NCAPH2: variants seen among roughly 807,000 people sequenced by gnomAD.
NCAPH2 encodes non-SMC condensin II complex subunit H2, also known as condensin-2 complex subunit H2.
A neutral mutation model predicts 88.6 loss-of-function variants in NCAPH2; 56 were observed. That is an observed-to-expected ratio of 0.63 (90% CI 0.51 to 0.79). The LOEUF is 0.79. NCAPH2 is among the 30% of genes least tolerant of loss of function. The probability of loss-of-function intolerance (pLI) is 0.00; values close to 1 mark genes in which losing one functional copy is unlikely to be tolerated. For synonymous variants in NCAPH2, 378 were observed against 313.6 expected (o/e 1.21, Z -2.17); for missense variants, 794 against 792.0 (o/e 1.00, Z -0.03).
intron 1 of NCAPH2, among the ~76,000 whole-genome samples, chr22:50,515,389 T>C (rs528201433): frequency 6.7e-6 from 1 of 150,218 alleles, no homozygotes; most frequent in Non-Finnish European, 1.5e-5. Context: ...AGAGAAACCC[T>C]GTCTCTACAA....
At chr22:50,522,290 G>A (rs748665820) in intron 14 of NCAPH2, 39 bp downstream of exon 14, 1 of 1,608,656 alleles carries the variant, frequency 6.2e-7, no homozygotes, top group Non-Finnish European at 8.5e-7. Flanking sequence ...AGGACCCCGT[G>A]GTGGCCCTGA....
chr22:50,524,305 C>T lies in NCAPH2; in HGVS notation c.*930C>T, dbSNP rs121908508. The stretch of plus-strand genomic sequence containing the variant: ...TGCAGGGCCCTGCCTTGACAAAAGC[C>T]AGGACCTCAGATGCAGGGCCTGGCC... On this transcript the variant is annotated 3_prime_UTR_variant, in exon 20 of 20. Coordinates refer to ENST00000420993, the MANE Select transcript of NCAPH2 (RefSeq NM_152299.4). 2 of 1,602,526 alleles carry T rather than the reference C, an allele frequency of 1.2e-6. No individual in the cohort carries two copies. The highest frequency in any genetic ancestry group is 1.7e-6 in the Non-Finnish European group (2 of 1,179,882).
chr22:50,520,858 C>T (rs375574581), intron 9 of NCAPH2, 107 bp from the exon 10 acceptor site: 54 of 1,312,480 alleles, frequency 4.1e-5, no homozygotes, highest in South Asian at 3.0e-4. Flanking sequence ...CCACCACGCC[C>T]GACCCTTGTA....
intron 1 of NCAPH2, among the ~76,000 whole-genome samples, chr22:50,516,185 G>T (rs899057108): frequency 2.0e-5 from 3 of 152,168 alleles, no homozygotes; most frequent in Non-Finnish European, 2.9e-5. Flanking sequence ...GGGAGCCGCT[G>T]TGCTGCCCTG....
chr22:50,524,748 A>AT lies in NCAPH2; in HGVS notation c.*1374dup, dbSNP rs2069259623. 6.9e-5 allele frequency: 36 copies of AT among 523,622 alleles called. No homozygotes were observed. The highest frequency in any genetic ancestry group is 5.5e-4 in the South Asian group (35 of 63,154). The allele number at this position is 523,622 out of a possible 1,614,324, so 32.4% of individuals were successfully genotyped here. A position where few individuals can be genotyped will look rare whatever the true frequency, so the allele number is the denominator to read the frequency against. ...ATGCCTTGCCTGAACTAACCACGTT[A>AT]TCTATTTGCAATAAACCCATTTCTT... On this transcript the variant is annotated 3_prime_UTR_variant, in exon 20 of 20. Transcript: ENST00000420993.
At chr22:50,519,095 C>G in intron 8 of NCAPH2, 95 bp from the exon 9 acceptor site, 1 of 1,260,500 alleles carries the variant, frequency 7.9e-7, no homozygotes, top group South Asian at 1.6e-5. Context: ...GGCTCCGTGA[C>G]TAAAGCTGAG....
In NCAPH2 at chr22:50,517,957, C is replaced by T. The variant is rs56394500; in HGVS notation, c.421-16C>T. The T allele has an allele frequency of 1.0e-3, 1,676 of 1,611,836 alleles. 12 individuals are homozygous for T. The African/African-American group carries it at 0.019, about 19-fold the overall frequency. On this transcript the variant is annotated splice_polypyrimidine_tract_variant and intron_variant, in intron 5 of 19. Transcript: ENST00000420993. ...TGGAAGGGTGCCTGGCTCACCCACC[C>T]TTGGCCTCCATGCAGGAGGTCCTCA...
Position 50,518,045 on chromosome 22 carries a change from C to T in NCAPH2, c.493C>T (p.Leu165=), listed in dbSNP as rs370277391. 11 of 1,614,084 alleles carry T rather than the reference C, an allele frequency of 6.8e-6. No individual in the cohort carries two copies. Among genetic ancestry groups the T allele is most frequent in the South Asian group, 1.1e-5 (1 of 91,062 alleles). ...PDEMEKNNNP[L]YSRQGEVLAS... ...TGAAATGGAGAAGAACAACAATCCC[C>T]TGTACAGGTAGGGATCTGAGCCCAG... is the stretch of plus-strand genomic sequence containing the variant. Residue 165 remains leucine (L), a synonymous_variant, in exon 6 of 20, where the codon CTG becomes TTG. Transcript: ENST00000420993.
intron 1 of NCAPH2, among the ~76,000 whole-genome samples, chr22:50,510,813 C>T (rs1311994551): frequency 6.6e-6 from 1 of 151,962 alleles, no homozygotes; most frequent in Admixed American, 6.6e-5. Flanking sequence ...ATCTCAGCAC[C>T]TTACACACTT....
In NCAPH2 at chr22:50,523,398, T is replaced by G. The variant is rs1603441627; in HGVS notation, c.*23T>G. ...TGAGTGGGGAGCACCGAGGCAGGGG[T>G]GGGGGAATGTGTACTGAGGAGCCGT... On this transcript the variant is annotated 3_prime_UTR_variant, in exon 20 of 20. Coordinates refer to ENST00000420993, the MANE Select transcript of NCAPH2 (RefSeq NM_152299.4). 1 of 1,531,354 alleles carries G rather than the reference T, an allele frequency of 6.5e-7. No individual in the cohort carries two copies. The highest frequency in any genetic ancestry group is 1.2e-5 in the South Asian group (1 of 82,620). 94.9% of individuals were successfully genotyped at this position (1,531,354 alleles called of 1,614,324 possible). A position where few individuals can be genotyped will look rare whatever the true frequency, so the allele number is the denominator to read the frequency against.
At chr22:50,519,382 C>T in intron 9 of NCAPH2, 62 bp downstream of exon 9, 1 of 1,596,450 alleles carries the variant, frequency 6.3e-7, no homozygotes, top group Non-Finnish European at 8.5e-7. Context: ...GGCTCTGGGG[C>T]CGAGTCACCT....
At chr22:50,510,200 C>T (rs1041646893) in intron 1 of NCAPH2, among the ~76,000 whole-genome samples, 9 of 152,220 alleles carry the variant, frequency 5.9e-5, no homozygotes, top group Admixed American at 3.3e-4. Flanking sequence ...GGATTACAGG[C>T]GTGAGCCACC....
chr22:50,514,345 A>T (rs907129646), intron 1 of NCAPH2, among the ~76,000 whole-genome samples: 1 of 151,144 alleles, frequency 6.6e-6, no homozygotes, highest in African/African-American at 2.4e-5. Context: ...GTCAGTGCAG[A>T]GGTGAAAGGG....
At position 50,521,598 on chromosome 22, in the gene NCAPH2, C is replaced by A. The variant is rs767460003; in HGVS notation, c.989C>A (p.Pro330His). 1 of 1,613,656 alleles carries A rather than the reference C, an allele frequency of 6.2e-7. No homozygotes were observed. Among genetic ancestry groups the A allele is most frequent in the Non-Finnish European group, 8.5e-7 (1 of 1,179,992 alleles). Residue 330 changes from proline (P) to histidine (H), a missense_variant, in exon 11 of 20, where the codon CCC (proline) becomes CAC (histidine). Around this residue, in one of 2 missense-constraint regions of NCAPH2, gnomAD observed 735 missense variants for 696.3 expected, o/e 1.06. Transcript: ENST00000420993. ...CCCTTTGACTCCTTGGAGTCTAAGCCCTTCAAGAAAGGTAATTGGGTGGAA... is the reference window on the plus strand; with the variant it reads ...CCCTTTGACTCCTTGGAGTCTAAGCACTTCAAGAAAGGTAATTGGGTGGAA... Reference protein sequence around the residue: ...LDPFDSLESKPFKKGRPYSVP... With the variant: ...LDPFDSLESKHFKKGRPYSVP...
chr22:50,513,103 C>T (rs987807016), intron 1 of NCAPH2, among the ~76,000 whole-genome samples: 2 of 152,230 alleles, frequency 1.3e-5, no homozygotes, highest in Admixed American at 1.3e-4. Flanking sequence ...GTGCTTTACA[C>T]ATATGAATGC....
chr22:50,523,966 C>G lies in NCAPH2; in HGVS notation c.*591C>G. On this transcript the variant is annotated 3_prime_UTR_variant, in exon 20 of 20. Coordinates refer to ENST00000420993, the MANE Select transcript of NCAPH2 (RefSeq NM_152299.4). Reference sequence around the variant, plus strand: ...CAAACCAGGCTCTGCTTCCAGCTGCCGCACCACCTGCACCAGCTTCTCCAG... The same window carrying G: ...CAAACCAGGCTCTGCTTCCAGCTGCGGCACCACCTGCACCAGCTTCTCCAG... 1.2e-6 allele frequency: 2 copies of G among 1,612,402 alleles called. No homozygotes were observed. The highest frequency in any genetic ancestry group is 8.5e-7 in the Non-Finnish European group (1 of 1,178,938).
Position 50,524,119 on chromosome 22 carries a change from G to A in NCAPH2, c.*744G>A, listed in dbSNP as rs1204134709. 6.2e-7 allele frequency: 1 copy of A among 1,612,738 alleles called. No homozygotes were observed. Among genetic ancestry groups the A allele is most frequent in the Admixed American group, 1.7e-5 (1 of 60,030 alleles). ...CAGGTGGAAGTCGCCCTGGCCCACA[G>A]CTGCCTGGCGCAGGGCTTCTGTTCG... On this transcript the variant is annotated 3_prime_UTR_variant, in exon 20 of 20. Transcript: ENST00000420993.
At chr22:50,521,211 A>G (rs1444090871) in intron 10 of NCAPH2, among the ~76,000 whole-genome samples, 175 bp downstream of exon 10, 1 of 152,008 alleles carries the variant, frequency 6.6e-6, no homozygotes, top group African/African-American at 2.4e-5. Context: ...CCCTCTCTCT[A>G]GTGTTCCCCT....
intron 9 of NCAPH2, 98 bp downstream of exon 9, chr22:50,519,418 C>T: frequency 6.6e-7 from 1 of 1,517,916 alleles, no homozygotes; most frequent in South Asian, 1.3e-5. Flanking sequence ...GTGGTATGGC[C>T]TTGGCCCCAG....
Sources: allele counts gnomAD v4.1 joint callset (sites outside exome capture counted in the v4.1 genomes callset), GRCh38; gene constraint gnomAD v4.1.1; regional missense constraint gnomAD v4.1.1; transcripts MANE v1.5; gene names NCBI Gene and HGNC (gene_info 2026-07-23, HGNC 2026-07-21).